The following NEGR1 variants were observed in gnomAD, a reference collection of about 807,000 sequenced individuals.
The protein encoded by NEGR1 is IgLON family member 4.
In NEGR1, 10 loss-of-function variants were observed where a neutral mutation model predicts 40.9. The observed-to-expected ratio is 0.24, with a 90% CI of 0.15 to 0.42. NEGR1 has a LOEUF of 0.42. Ranked by LOEUF, NEGR1 falls within the 10% of genes least tolerant of loss-of-function variation. The pLI is 1.00. For synonymous variants in NEGR1, 185 were observed against 166.8 expected (o/e 1.11, Z -0.84); for missense variants, 352 against 438.9 (o/e 0.80, Z 1.77).
chr1:71,676,959 T>G (rs1652662852), intron 4 of NEGR1, among the ~76,000 whole-genome samples: 1 of 152,166 alleles, frequency 6.6e-6, no homozygotes, highest in Admixed American at 6.6e-5. Flanking sequence ...AGTTTAAAGC[T>G]TGGGCTTTCC....
At chr1:71,538,469 C>T (rs1328496320) in intron 6 of NEGR1, among the ~76,000 whole-genome samples, 1 of 151,536 alleles carries the variant, frequency 6.6e-6, no homozygotes, top group African/African-American at 2.4e-5. Context: ...CTTTTGGTTG[C>T]CGTGGTTTCA....
chr1:71,986,097 C>T (rs776798380), intron 1 of NEGR1, among the ~76,000 whole-genome samples: 6 of 152,210 alleles, frequency 3.9e-5, no homozygotes, highest in Non-Finnish European at 5.9e-5. Flanking sequence ...TTCCCAATCT[C>T]ATCTGGAAAG....
At chr1:72,275,229 A>C (rs1656001667) in intron 1 of NEGR1, 1 of 588,726 alleles carries the variant, frequency 1.7e-6, no homozygotes, top group Admixed American at 3.0e-5. Context: ...AATTTCTATT[A>C]TTTATTCATA....
At chr1:71,586,449 T>C (rs923586017) in intron 6 of NEGR1, among the ~76,000 whole-genome samples, 1 of 152,192 alleles carries the variant, frequency 6.6e-6, no homozygotes, top group African/African-American at 2.4e-5. Context: ...GCATAGGTTT[T>C]ATTTGGAGGA....
intron 1 of NEGR1, among the ~76,000 whole-genome samples, chr1:72,215,016 T>G (rs1472112295): frequency 2.0e-5 from 3 of 151,844 alleles, no homozygotes; most frequent in African/African-American, 7.3e-5. Flanking sequence ...CCAAAACAGA[T>G]ACAGAGACCA....
Position 71,405,828 on chromosome 1 carries a change from A to T in NEGR1, c.*1618T>A, listed in dbSNP as rs891732465. On this transcript the variant is annotated 3_prime_UTR_variant, in exon 7 of 7. Coordinates refer to ENST00000357731, the MANE Select transcript of NEGR1 (RefSeq NM_173808.3). ...TTGTTACAACTTGTAAAAGGGGACT[A>T]TTTGTAGAAATTTAGGTGTACTGAA... The T allele has an allele frequency of 5.3e-5, 8 of 151,994 alleles. No individual in the cohort carries two copies. The highest frequency in any genetic ancestry group is 1.9e-4 in the African/African-American group (8 of 41,322). 9.4% of individuals were successfully genotyped at this position (151,994 alleles called of 1,614,324 possible). A position where few individuals can be genotyped will look rare whatever the true frequency, so the allele number is the denominator to read the frequency against.
At chr1:71,830,804 C>T (rs1658813251) in intron 2 of NEGR1, among the ~76,000 whole-genome samples, 1 of 151,856 alleles carries the variant, frequency 6.6e-6, no homozygotes, top group Non-Finnish European at 1.5e-5. Context: ...ATCATTCGTT[C>T]AGTAGATATT....
chr1:72,078,071 C>T (rs1201433620), intron 1 of NEGR1, among the ~76,000 whole-genome samples: 1 of 152,104 alleles, frequency 6.6e-6, no homozygotes, highest in Non-Finnish European at 1.5e-5. Flanking sequence ...TGTCTTGGTT[C>T]AAGAAAGTAT....
chr1:71,746,683 C>A (rs1655394037), intron 3 of NEGR1, among the ~76,000 whole-genome samples: 1 of 151,628 alleles, frequency 6.6e-6, no homozygotes, highest in African/African-American at 2.4e-5. Flanking sequence ...CACAATGTCT[C>A]CTTACTTGAA....
intron 4 of NEGR1, among the ~76,000 whole-genome samples, chr1:71,625,403 A>G (rs1339682087): frequency 6.6e-6 from 1 of 152,038 alleles, no homozygotes; most frequent in Non-Finnish European, 1.5e-5. Context: ...ACAATACAAT[A>G]ATAAAGCTAC....
chr1:71,621,634 G>A lies in NEGR1; in HGVS notation c.668-10488C>T, dbSNP rs114677177. ...TATTTGGTAAAAAAATTTTCGGAGCGCAGAGATATATGACTACATATGAAT... is the reference window on the plus strand; with the variant it reads ...TATTTGGTAAAAAAATTTTCGGAGCACAGAGATATATGACTACATATGAAT... On this transcript the variant is annotated intron_variant, in intron 4 of 6. Transcript: ENST00000357731. Among the ~76,000 whole-genome samples, 1,163 of 151,714 alleles carry A rather than the reference G, an allele frequency of 7.7e-3. 20 individuals are homozygous for A. Among genetic ancestry groups the A allele is most frequent in the African/African-American group, 0.021 (878 of 41,436 alleles).
At chr1:71,862,376 C>T (rs781118898) in intron 2 of NEGR1, among the ~76,000 whole-genome samples, 4 of 152,060 alleles carry the variant, frequency 2.6e-5, no homozygotes, top group East Asian at 3.9e-4. Flanking sequence ...TGTCATCACT[C>T]GCCCATTTTC....
chr1:71,917,472 AT>A (rs1456011896), intron 2 of NEGR1, among the ~76,000 whole-genome samples: 1 of 151,988 alleles, frequency 6.6e-6, no homozygotes, highest in Admixed American at 6.6e-5. Flanking sequence ...GGCCATATCA[AT>A]TTTTTTTAAC....
chr1:72,067,525 G>A (rs2100504317), intron 1 of NEGR1, among the ~76,000 whole-genome samples: 1 of 152,152 alleles, frequency 6.6e-6, no homozygotes, highest in South Asian at 2.1e-4. Flanking sequence ...ATAAAACTTT[G>A]AAGATAAGGT....
intron 6 of NEGR1, among the ~76,000 whole-genome samples, chr1:71,443,503 T>C (rs899377325): frequency 2.0e-5 from 3 of 152,238 alleles, no homozygotes; most frequent in African/African-American, 7.2e-5. Context: ...CAGTTTCTTA[T>C]ATATCTTTGT....
intron 6 of NEGR1, chr1:71,461,960 A>C (rs892476278): frequency 6.6e-6 from 1 of 152,216 alleles, no homozygotes; most frequent in South Asian, 2.1e-4. Flanking sequence ...CCACAGTGGC[A>C]GAACAACTGG....
intron 1 of NEGR1, among the ~76,000 whole-genome samples, chr1:71,993,968 C>A (rs1646478912): frequency 1.3e-5 from 2 of 152,142 alleles, no homozygotes; most frequent in South Asian, 4.1e-4. Context: ...TTTCTCCACT[C>A]TTCTTACCAC....
At chr1:71,688,390 T>A (rs372555535) in intron 4 of NEGR1, among the ~76,000 whole-genome samples, 3,318 of 26,540 alleles carry the variant, frequency 0.13, 801 homozygotes, top group East Asian at 0.17. Flanking sequence ...AAAAGATATA[T>A]AAAATATATA....
intron 1 of NEGR1, among the ~76,000 whole-genome samples, chr1:72,011,534 C>A (rs867781177): frequency 5.9e-5 from 9 of 152,100 alleles, no homozygotes; most frequent in Non-Finnish European, 2.9e-5. Context: ...CACAAGTAAT[C>A]GCCATAGATC....
Sources: allele counts gnomAD v4.1 joint callset (sites outside exome capture counted in the v4.1 genomes callset), GRCh38; gene constraint gnomAD v4.1.1; transcripts MANE v1.5; gene names NCBI Gene and HGNC (gene_info 2026-07-23, HGNC 2026-07-21).